The following LINGO2 variants were observed in gnomAD, a reference collection of about 807,000 sequenced individuals.
LINGO2 encodes the protein leucine rich repeat and Ig domain containing 2, also known as leucine-rich repeat and immunoglobulin-like domain-containing nogo receptor-interacting protein 2.
Under a neutral mutation model 30.6 loss-of-function variants are expected in LINGO2, and 14 were observed. The observed-to-expected ratio is 0.46, with a 90% CI of 0.30 to 0.72. The LOEUF (loss-of-function observed/expected upper bound fraction) is 0.72. Ranked by LOEUF, LINGO2 falls within the 30% of genes least tolerant of loss-of-function variation. The pLI, the probability that LINGO2 is intolerant of heterozygous loss-of-function variation, is 0.07. For missense variants in LINGO2, 729 were observed against 751.7 expected, an observed-to-expected ratio of 0.97 and a Z score of 0.35; for synonymous variants, 317 against 288.5, an observed-to-expected ratio of 1.10 and a Z score of -1.00.
rs549568735 is a variant in LINGO2 at position 28,335,922 on chromosome 9, TA to T, written c.-246+36913del. ...TCATTTCCAGGTTTTCGTGCTAACA[TA>T]AGTTTACTTTTCTGTTAGATCAATG... is the stretch of plus-strand genomic sequence containing the variant. On this transcript the variant is annotated intron_variant, in intron 3 of 5. Coordinates refer to ENST00000379992, the Ensembl canonical transcript of LINGO2. Among the ~76,000 whole-genome samples the T allele has an allele frequency of 2.8e-4, 43 of 152,264 alleles. 2 individuals carry two copies. In the South Asian group the frequency reaches 8.9e-3, roughly 32 times the overall value.
the LINGO2 span, among the ~76,000 whole-genome samples, chr9:28,802,961 C>T: frequency 0.61 from 92,901 of 151,772 alleles, 28,631 homozygotes; most frequent in Middle Eastern, 0.72. Context: ...TCTCCAAATT[C>T]AGGTATCATT....
At chr9:28,338,855 A>C (rs1482385009) in intron 3 of LINGO2, among the ~76,000 whole-genome samples, 1 of 152,114 alleles carries the variant, frequency 6.6e-6, no homozygotes, top group East Asian at 1.9e-4. Flanking sequence ...TAAATTACCC[A>C]GTCTAGGGTA....
the LINGO2 span, among the ~76,000 whole-genome samples, chr9:28,784,921 C>T: frequency 2.0e-5 from 3 of 150,132 alleles, no homozygotes; most frequent in East Asian, 3.9e-4. Flanking sequence ...GCACTCCAGC[C>T]TGGCGACAGA....
At chr9:28,444,137 T>C (rs1194157499) in intron 2 of LINGO2, among the ~76,000 whole-genome samples, 6 of 152,180 alleles carry the variant, frequency 3.9e-5, no homozygotes, top group South Asian at 2.1e-4. Flanking sequence ...CAGTTGTCCA[T>C]GTCTCCTCAT....
At chr9:29,134,972 T>A in the LINGO2 span, among the ~76,000 whole-genome samples, 4 of 151,974 alleles carry the variant, frequency 2.6e-5, no homozygotes, top group Non-Finnish European at 4.4e-5. Context: ...GAGTTTTTTT[T>A]ATTCTAATCT....
chr9:29,054,292 A>G, the LINGO2 span, among the ~76,000 whole-genome samples: 1 of 152,186 alleles, frequency 6.6e-6, no homozygotes, highest in Non-Finnish European at 1.5e-5. Context: ...ATATTGTATC[A>G]TGAAGCAGAA....
the LINGO2 span, among the ~76,000 whole-genome samples, chr9:28,739,921 T>C: frequency 6.7e-6 from 1 of 149,690 alleles, no homozygotes; most frequent in Non-Finnish European, 1.5e-5. Flanking sequence ...AATATAAATA[T>C]ACATATATAT....
At chr9:28,746,070 G>T in the LINGO2 span, among the ~76,000 whole-genome samples, 1 of 151,888 alleles carries the variant, frequency 6.6e-6, no homozygotes, top group African/African-American at 2.4e-5. Context: ...ATAAAATCTG[G>T]CTTGAAAATT....
At chr9:28,849,925 C>T in the LINGO2 span, among the ~76,000 whole-genome samples, 193 of 152,060 alleles carry the variant, frequency 1.3e-3, 1 homozygote, top group Non-Finnish European at 1.4e-3. Flanking sequence ...CTCAATGTCA[C>T]CTTAGGGTGA....
the LINGO2 span, among the ~76,000 whole-genome samples, chr9:29,177,042 G>T: frequency 6.6e-6 from 1 of 152,274 alleles, no homozygotes; most frequent in Non-Finnish European, 1.5e-5. Context: ...TAATGAGCAT[G>T]ACCACCACAA....
intron 4 of LINGO2, among the ~76,000 whole-genome samples, chr9:28,086,661 G>GA (rs5897270): frequency 0.14 from 20,492 of 150,638 alleles, 1,609 homozygotes; most frequent in South Asian, 0.32. Flanking sequence ...AATTTTTAAA[G>GA]AAAAAAAAAC....
chr9:29,095,917 T>C, the LINGO2 span, among the ~76,000 whole-genome samples: 2 of 138,554 alleles, frequency 1.4e-5, no homozygotes, highest in South Asian at 2.3e-4. Flanking sequence ...GAGGGACATA[T>C]TGGAGTGATA....
chr9:28,719,251 GCT>G, the LINGO2 span, among the ~76,000 whole-genome samples: 1 of 151,896 alleles, frequency 6.6e-6, no homozygotes, highest in Non-Finnish European at 1.5e-5. Context: ...CTCTCTCTTA[GCT>G]CTTTCTCTTC....
chr9:28,710,371 G>A, the LINGO2 span, among the ~76,000 whole-genome samples: 2 of 151,898 alleles, frequency 1.3e-5, no homozygotes, highest in Non-Finnish European at 2.9e-5. Context: ...CAAGTTTATG[G>A]TATTTTGTTA....
intron 1 of LINGO2, among the ~76,000 whole-genome samples, chr9:28,551,953 T>C (rs898515538): frequency 1.3e-5 from 2 of 152,082 alleles, no homozygotes; most frequent in African/African-American, 4.8e-5. Context: ...CTTCTACTCT[T>C]CCTTTTATAA....
At chr9:28,746,667 A>G in the LINGO2 span, among the ~76,000 whole-genome samples, 1 of 151,948 alleles carries the variant, frequency 6.6e-6, no homozygotes, top group South Asian at 2.1e-4. Context: ...AATATTACCT[A>G]CTCCACTTTT....
the LINGO2 span, among the ~76,000 whole-genome samples, chr9:28,754,066 C>A: frequency 6.7e-6 from 1 of 149,390 alleles, no homozygotes; most frequent in East Asian, 2.0e-4. Flanking sequence ...AATAAAATGC[C>A]CTCAATTAAA....
At chr9:28,812,524 C>T in the LINGO2 span, among the ~76,000 whole-genome samples, 1 of 152,032 alleles carries the variant, frequency 6.6e-6, no homozygotes. Context: ...CTTAATGGTC[C>T]AGTTGTATAC....
At chr9:28,415,380 G>A (rs1372027033) in intron 2 of LINGO2, among the ~76,000 whole-genome samples, 3 of 152,062 alleles carry the variant, frequency 2.0e-5, no homozygotes, top group Non-Finnish European at 4.4e-5. Flanking sequence ...TTTAAATGAC[G>A]TCTGGATGTT....
Sources: allele counts gnomAD v4.1 joint callset (sites outside exome capture counted in the v4.1 genomes callset), GRCh38; gene constraint gnomAD v4.1.1; transcripts MANE v1.5; gene names NCBI Gene and HGNC (gene_info 2026-07-23, HGNC 2026-07-21).